The following DIAPH1 variants were observed in gnomAD, a reference collection of about 807,000 sequenced individuals.
DIAPH1 encodes diaphanous related formin 1, also known as protein diaphanous homolog 1.
DIAPH1 carries 46 observed loss-of-function variants against 140.7 expected under a neutral mutation model. The observed-to-expected ratio is 0.33, with a 90% confidence interval of 0.26 to 0.42. The LOEUF is 0.42. DIAPH1 is among the 10% of genes least tolerant of loss of function. The pLI, the probability that DIAPH1 is intolerant of heterozygous loss-of-function variation, is 1.00. For missense variants in DIAPH1, 1,310 were observed against 1,558.7 expected, an observed-to-expected ratio of 0.84 and a Z score of 2.69; for synonymous variants, 565 against 551.6, an observed-to-expected ratio of 1.02 and a Z score of -0.34.
intron 19 of DIAPH1, among the ~76,000 whole-genome samples, chr5:141,533,035 T>C (rs191104830): frequency 6.6e-6 from 1 of 152,358 alleles, no homozygotes; most frequent in East Asian, 1.9e-4. Context: ...GACAGTTTAC[T>C]GGTCTCATTG....
At chr5:141,590,544 A>C (rs562076319) in intron 1 of DIAPH1, among the ~76,000 whole-genome samples, 1 of 152,230 alleles carries the variant, frequency 6.6e-6, no homozygotes, top group South Asian at 2.1e-4. Flanking sequence ...AGTGCATACA[A>C]TTTGGGTTAC....
At chr5:141,540,927 G>T (rs2099889869) in intron 18 of DIAPH1, among the ~76,000 whole-genome samples, 1 of 152,056 alleles carries the variant, frequency 6.6e-6, no homozygotes, top group African/African-American at 2.4e-5. Context: ...TGGTGTGGTG[G>T]CACTCGCCTA....
intron 16 of DIAPH1, among the ~76,000 whole-genome samples, chr5:141,572,531 G>C (rs1361647669): frequency 6.6e-6 from 1 of 152,206 alleles, no homozygotes; most frequent in African/African-American, 2.4e-5. Flanking sequence ...GCCAGGTGTG[G>C]TGGCTCACGT....
chr5:141,518,921 C>T, intron 27 of DIAPH1: 1 of 1,549,938 alleles, frequency 6.5e-7, no homozygotes, highest in Non-Finnish European at 8.7e-7. Flanking sequence ...AAGCAGGGAA[C>T]ACGCAGCATG....
chr5:141,527,032 G>A (rs1158513196), intron 24 of DIAPH1, among the ~76,000 whole-genome samples: 2 of 152,306 alleles, frequency 1.3e-5, no homozygotes, highest in African/African-American at 4.8e-5. Flanking sequence ...TGTATGAGGT[G>A]CAAATCAGAA....
rs2099896268 is a variant in DIAPH1, at chr5:141,578,429, G to A, written c.1044+86C>T. 7 of 1,532,112 alleles carry A rather than the reference G, an allele frequency of 4.6e-6. No individual in the cohort carries two copies. The South Asian group carries it at 7.8e-5, about 17-fold the overall frequency. The allele number at this position is 1,532,112 out of a possible 1,614,324, so 94.9% of individuals were successfully genotyped here. A position where few individuals can be genotyped will look rare whatever the true frequency, so the allele number is the denominator to read the frequency against. ...AAGCTTTTCAACCTGGTTTTTAATTGAAAACCAGAATTATCCCCGGGATTA... is the reference window on the plus strand; with the variant it reads ...AAGCTTTTCAACCTGGTTTTTAATTAAAAACCAGAATTATCCCCGGGATTA... On this transcript the variant is annotated intron_variant, in intron 10 of 27. Coordinates refer to ENST00000389054, the MANE Select transcript of DIAPH1 (RefSeq NM_005219.5).
intron 26 of DIAPH1, 111 bp downstream of exon 26, chr5:141,525,927 A>C: frequency 1.3e-6 from 2 of 1,564,686 alleles, no homozygotes; most frequent in Non-Finnish European, 1.7e-6. Context: ...GACTGCCAAA[A>C]ATCATTTGCC....
intron 18 of DIAPH1, among the ~76,000 whole-genome samples, chr5:141,562,647 A>G (rs2099893770): frequency 2.6e-5 from 4 of 151,706 alleles, no homozygotes; most frequent in Admixed American, 2.6e-4. Context: ...ATAACAGAGA[A>G]GCTGAAAGAA....
intron 1 of DIAPH1, 31 bp from the exon 2 acceptor site, chr5:141,588,281 A>G: frequency 6.3e-7 from 1 of 1,591,966 alleles, no homozygotes; most frequent in South Asian, 1.1e-5. Flanking sequence ...GGGAGAAGAA[A>G]GAAGAGAAAT....
intron 1 of DIAPH1, among the ~76,000 whole-genome samples, chr5:141,600,603 T>C (rs2099899996): frequency 6.6e-6 from 1 of 152,198 alleles, no homozygotes; most frequent in Non-Finnish European, 1.5e-5. Flanking sequence ...TGAGCAAACA[T>C]GCTTAATTCT....
rs1245334851 is a variant in DIAPH1, at chr5:141,515,952, A to G, written c.*899T>C. The G allele has an allele frequency of 6.6e-6, 1 of 152,248 alleles. No homozygotes were observed. The highest frequency in any genetic ancestry group is 1.5e-5 in the Non-Finnish European group (1 of 68,072). The allele number at this position is 152,248 out of a possible 1,614,324, so 9.4% of individuals were successfully genotyped here. On this transcript the variant is annotated 3_prime_UTR_variant, in exon 28 of 28. Transcript: ENST00000389054. ...TTCATACAAAAATAGATCCATTTGC[A>G]AAACAATTTCTCAGCCAGGAGGCTC...
At chr5:141,588,982 G>C (rs2099897957) in intron 1 of DIAPH1, 1 of 152,292 alleles carries the variant, frequency 6.6e-6, no homozygotes, top group Non-Finnish European at 1.5e-5. Context: ...TCACTCTTGA[G>C]GTTGAATCCT....
At chr5:141,564,709 C>T (rs139022747) in intron 18 of DIAPH1, 4 of 152,302 alleles carry the variant, frequency 2.6e-5, no homozygotes, top group Admixed American at 2.6e-4. Flanking sequence ...ACCTGGAAGG[C>T]TGTCAGAAAC....
chr5:141,609,891 T>C (rs576171672), intron 1 of DIAPH1, among the ~76,000 whole-genome samples: 1 of 152,334 alleles, frequency 6.6e-6, no homozygotes, highest in Non-Finnish European at 1.5e-5. Flanking sequence ...GTATCAGAAA[T>C]GTTCTCTGTT....
intron 19 of DIAPH1, among the ~76,000 whole-genome samples, 161 bp from the exon 20 acceptor site, chr5:141,529,858 C>A (rs1385916284): frequency 2.0e-5 from 3 of 152,022 alleles, no homozygotes; most frequent in African/African-American, 7.2e-5. Context: ...CCAAGGTGGG[C>A]GGATCGCTTG....
intron 16 of DIAPH1, 50 bp downstream of exon 16, chr5:141,573,434 CAAAAAAAA>C (rs575375242): frequency 1.1e-5 from 14 of 1,224,320 alleles, no homozygotes; most frequent in Admixed American, 2.5e-5. Context: ...AACTCCGTCT[CAAAAAAAA>C]AAAAAAAAAA....
intron 18 of DIAPH1, among the ~76,000 whole-genome samples, chr5:141,536,456 G>A (rs1171173347): frequency 1.3e-5 from 2 of 152,178 alleles, no homozygotes; most frequent in Non-Finnish European, 2.9e-5. Flanking sequence ...GAACAAAATA[G>A]AGAAAGATTC....
In DIAPH1 at chr5:141,573,738, A is replaced by T; in HGVS notation, c.2112T>A (p.Pro704=). 8.3e-7 allele frequency: 1 copy of T among 1,204,250 alleles called. No individual in the cohort carries two copies. The highest frequency in any genetic ancestry group is 1.1e-6 in the Non-Finnish European group (1 of 934,464). 74.6% of individuals were successfully genotyped at this position (1,204,250 alleles called of 1,614,324 possible). The change falls in exon 16 of 28, where the codon CCT becomes CCA. Residue 704 remains proline, a synonymous_variant. Coordinates refer to ENST00000389054, the MANE Select transcript of DIAPH1 (RefSeq NM_005219.5). The part of the protein sequence containing the change: ...LPGSAGIPPP[P]PPLPGEAGMP... ...TTCCTGCTTCTCCAGGCAAGGGAGG[A>T]GGTGGGGGGGGAATTCCAGCACTCC...
chr5:141,573,528 C>G lies in DIAPH1; in HGVS notation c.2322G>C (p.Lys774Asn). ...PFGLTPKKLYKPEVQLRRPNW... is the reference protein window; with the variant it reads ...PFGLTPKKLYNPEVQLRRPNW... ...TTGGCCTCCGGAGCTGCACCTCTGGCTTATAAAGCTTTTTGGGGGTTAATC... is the reference window on the plus strand; with the variant it reads ...TTGGCCTCCGGAGCTGCACCTCTGGGTTATAAAGCTTTTTGGGGGTTAATC... Residue 774 changes from lysine (K) to asparagine (N), a missense_variant, in exon 16 of 28, where the codon AAG becomes AAC. Physicochemically the swap from Lys to Asn is moderately conservative, Grantham distance 94. Transcript: ENST00000389054. 6.2e-7 allele frequency: 1 copy of G among 1,607,598 alleles called. No individual in the cohort carries two copies. The highest frequency in any genetic ancestry group is 8.5e-7 in the Non-Finnish European group (1 of 1,176,420).
Sources: allele counts gnomAD v4.1 joint callset (sites outside exome capture counted in the v4.1 genomes callset), GRCh38; gene constraint gnomAD v4.1.1; transcripts MANE v1.5; gene names NCBI Gene and HGNC (gene_info 2026-07-23, HGNC 2026-07-21).